Variants in LEPR observed in about 807,000 individuals in gnomAD.
The protein encoded by LEPR is OB receptor.
A neutral mutation model predicts 114.7 loss-of-function variants in LEPR; 56 were observed. The ratio of observed to expected loss-of-function variants is 0.49; its 90% CI spans 0.39 to 0.61. The LOEUF (loss-of-function observed/expected upper bound fraction) is 0.61. Ranked by LOEUF, LEPR falls within the 20% of genes least tolerant of loss-of-function variation. LEPR has a pLI of 0.00. For synonymous variants in LEPR, 443 were observed against 461.4 expected (o/e 0.96, Z 0.51); for missense variants, 1,202 against 1,352.9 (o/e 0.89, Z 1.75).
chr1:65,441,607 C>G (rs1370490693), intron 2 of LEPR, among the ~76,000 whole-genome samples: 1 of 151,932 alleles, frequency 6.6e-6, no homozygotes, highest in African/African-American at 2.4e-5. Context: ...TGGCCCACGA[C>G]AGGGAAGGGA....
intron 1 of LEPR, among the ~76,000 whole-genome samples, chr1:65,424,325 G>T (rs562499161): frequency 6.6e-6 from 1 of 152,208 alleles, no homozygotes; most frequent in East Asian, 1.9e-4. Context: ...ATGATCAAAG[G>T]TATATATTAC....
chr1:65,436,252 G>A (rs1039995352), intron 2 of LEPR, among the ~76,000 whole-genome samples: 2 of 152,144 alleles, frequency 1.3e-5, no homozygotes, highest in African/African-American at 4.8e-5. Flanking sequence ...TGGTGGACAT[G>A]GAAGATTGGA....
At chr1:65,624,264 TATTA>T (rs533204879) in intron 19 of LEPR, among the ~76,000 whole-genome samples, 1,537 of 152,290 alleles carry the variant, frequency 0.01, 18 homozygotes, top group South Asian at 0.032. Context: ...TCTCAACAAA[TATTA>T]ATTATTATTG....
chr1:65,593,841 T>A (rs1466415360), intron 6 of LEPR, among the ~76,000 whole-genome samples: 1 of 150,500 alleles, frequency 6.6e-6, no homozygotes, highest in African/African-American at 2.4e-5. Flanking sequence ...AGAAAAAAGT[T>A]ACAAAATCTT....
At chr1:65,488,200 C>CTT (rs1491442038) in intron 2 of LEPR, among the ~76,000 whole-genome samples, 1 of 27,746 alleles carries the variant, frequency 3.6e-5, no homozygotes, top group African/African-American at 1.4e-4. Flanking sequence ...TTCTTTCTTT[C>CTT]TTTCTTTCTT....
rs184090043 is a variant in LEPR, at chr1:65,467,470, C to T, written c.-21+42092C>T. Among the ~76,000 whole-genome samples the T allele has an allele frequency of 1.1e-4, 17 of 152,320 alleles. No individual in the cohort carries two copies. In the East Asian group the frequency reaches 2.7e-3, roughly 24 times the overall value. On this transcript the variant is annotated intron_variant, in intron 2 of 19. Coordinates refer to ENST00000349533, the MANE Select transcript of LEPR (RefSeq NM_002303.6). ...TTGGCCCCTACTGGAAGGTGTTTCC[C>T]AGTAAGGCTACACGGGGGTCAGGGA...
rs567817793 is a variant in LEPR, at chr1:65,425,507, A to T, written c.-21+129A>T. 93 of 673,442 alleles carry T rather than the reference A, an allele frequency of 1.4e-4. No individual in the cohort carries two copies. The African/African-American group carries it at 1.6e-3, about 12-fold the overall frequency. 41.7% of individuals were successfully genotyped at this position (673,442 alleles called of 1,614,324 possible). A position where few individuals can be genotyped will look rare whatever the true frequency, so the allele number is the denominator to read the frequency against. ...TGAGTTAGTGGAGCCCAGTTTATGA[A>T]CACAGTCCCTTTGTGGGTCAGGTGT... On this transcript the variant is annotated intron_variant, in intron 2 of 19. Transcript: ENST00000349533.
intron 2 of LEPR, chr1:65,434,263 T>C: frequency 1.0e-6 from 1 of 982,240 alleles, no homozygotes. Flanking sequence ...GAATATATAA[T>C]ACAAAAGTTT....
In LEPR at chr1:65,572,290, G is replaced by GTTTT. The variant is rs747467075; in HGVS notation, c.371-12_371-9dup. The GTTTT allele has an allele frequency of 2.0e-3, 1,630 of 799,006 alleles. 2 individuals are homozygous for GTTTT. Among genetic ancestry groups the GTTTT allele is most frequent in the Middle Eastern group, 4.2e-3 (9 of 2,126 alleles). The allele number at this position is 799,006 out of a possible 1,614,324, so 49.5% of individuals were successfully genotyped here. A position where few individuals can be genotyped will look rare whatever the true frequency, so the allele number is the denominator to read the frequency against. ...ATGGTTTTTGAGATTTCATGTAGTTGTTTTTTTTTTTTTTTTTTTTTTTTT... is the reference window on the plus strand; with the variant it reads ...ATGGTTTTTGAGATTTCATGTAGTTGTTTTTTTTTTTTTTTTTTTTTTTTTTTTT... On this transcript the variant is annotated intron_variant, in intron 4 of 19. Transcript: ENST00000349533.
chr1:65,527,035 C>CT (rs1650021344), intron 2 of LEPR, among the ~76,000 whole-genome samples: 1 of 152,200 alleles, frequency 6.6e-6, no homozygotes, highest in Non-Finnish European at 1.5e-5. Flanking sequence ...CTTAAATAAT[C>CT]TTTAAGCCAG....
chr1:65,453,435 C>G (rs1354753873), intron 2 of LEPR, among the ~76,000 whole-genome samples: 1 of 151,976 alleles, frequency 6.6e-6, no homozygotes, highest in South Asian at 2.1e-4. Flanking sequence ...ACATTTCCCT[C>G]GACGCACTGC....
intron 19 of LEPR, chr1:65,634,353 T>TA: frequency 1.0e-6 from 1 of 977,754 alleles, no homozygotes; most frequent in Non-Finnish European, 1.2e-6. Context: ...CATTGAAATG[T>TA]AAAATCTAAG....
intron 5 of LEPR, among the ~76,000 whole-genome samples, chr1:65,588,088 G>A (rs927058501): frequency 6.6e-6 from 1 of 151,926 alleles, no homozygotes; most frequent in African/African-American, 2.4e-5. Context: ...GGGCAGCACA[G>A]GTGAGATGGG....
intron 2 of LEPR, 134 bp downstream of exon 2, chr1:65,425,512 G>T (rs1218372010): frequency 1.6e-6 from 1 of 644,116 alleles, no homozygotes; most frequent in Non-Finnish European, 2.6e-6. Flanking sequence ...TATGAACACA[G>T]TCCCTTTGTG....
chr1:65,624,968 T>G (rs1222477487), intron 19 of LEPR, among the ~76,000 whole-genome samples: 3 of 152,190 alleles, frequency 2.0e-5, no homozygotes, highest in African/African-American at 7.2e-5. Context: ...CACTCCTATA[T>G]ACTCCTCACC....
intron 18 of LEPR, among the ~76,000 whole-genome samples, chr1:65,622,527 A>G (rs1264902844): frequency 6.6e-6 from 1 of 152,136 alleles, no homozygotes; most frequent in African/African-American, 2.4e-5. Context: ...GAGAGAGAGG[A>G]GATTTTAGAA....
chr1:65,550,200 G>T (rs187191702), intron 2 of LEPR, among the ~76,000 whole-genome samples: 4 of 152,136 alleles, frequency 2.6e-5, no homozygotes, highest in Non-Finnish European at 4.4e-5. Flanking sequence ...GTACCCGGCC[G>T]TGGGAGGTGT....
chr1:65,440,000 CAAAAAAAAAAA>C (rs550347312), intron 2 of LEPR, among the ~76,000 whole-genome samples: 3 of 58,138 alleles, frequency 5.2e-5, no homozygotes, highest in African/African-American at 1.5e-4. Flanking sequence ...GATTCTGTCT[CAAAAAAAAAAA>C]AAAAAAAAAA....
chr1:65,421,725 AGT>A (rs1356266506), intron 1 of LEPR, among the ~76,000 whole-genome samples: 3 of 152,178 alleles, frequency 2.0e-5, no homozygotes, highest in Non-Finnish European at 4.4e-5. Context: ...TTACTTGGAG[AGT>A]GTCGACTGTG....
Sources: allele counts gnomAD v4.1 joint callset (sites outside exome capture counted in the v4.1 genomes callset), GRCh38; gene constraint gnomAD v4.1.1; transcripts MANE v1.5; gene names NCBI Gene and HGNC (gene_info 2026-07-23, HGNC 2026-07-21).